Variants in PCNX2 observed in about 807,000 individuals in gnomAD.
The protein encoded by PCNX2 is pecanex 2, also known as pecanex-like protein 2.
A neutral mutation model predicts 223.8 loss-of-function variants in PCNX2; 168 were observed. The observed-to-expected ratio is 0.75, with a 90% CI of 0.66 to 0.85. The LOEUF is 0.85. PCNX2 is among the 40% of genes least tolerant of loss of function. The pLI, the probability that PCNX2 is intolerant of heterozygous loss-of-function variation, is 0.00. For missense variants in PCNX2, 2,507 were observed against 2,675.5 expected (o/e 0.94, Z 1.39); for synonymous variants, 1,006 against 1,052.6 (o/e 0.96, Z 0.86).
chr1:233,317,265 T>G, the PCNX2 span, among the ~76,000 whole-genome samples: 5 of 151,982 alleles, frequency 3.3e-5, no homozygotes, highest in Non-Finnish European at 7.4e-5. Context: ...AATACAAAAA[T>G]TAGCTGGGCG....
chr1:233,319,339 C>T, the PCNX2 span, among the ~76,000 whole-genome samples: 6 of 152,218 alleles, frequency 3.9e-5, no homozygotes, highest in Non-Finnish European at 8.8e-5. Context: ...GTCATGACTG[C>T]TCCCGCAGGT....
At position 232,986,375 on chromosome 1, in the gene PCNX2, G is replaced by A. The variant is rs770147639; in HGVS notation, c.5957C>T (p.Ser1986Phe). ...LAQRLSGSRLSLHASATSLHS... is the reference protein window; with the variant it reads ...LAQRLSGSRLFLHASATSLHS... ...CAGGGACGTGGCCGAGGCGTGCAAG[G>A]AGAGCCGGCTGCCCGAGAGCCTCTG... is the stretch of plus-strand genomic sequence containing the variant. The change falls in exon 33 of 34, where the codon TCC (serine) becomes TTC (phenylalanine). Residue 1986 changes from serine (S) to phenylalanine (F), a missense_variant. Transcript: ENST00000258229. 5.6e-6 allele frequency: 9 copies of A among 1,603,274 alleles called. No homozygotes were observed. The African/African-American group carries it at 9.4e-5, about 17-fold the overall frequency.
chr1:233,151,035 A>G (rs191212603), intron 19 of PCNX2, among the ~76,000 whole-genome samples: 1 of 131,000 alleles, frequency 7.6e-6, no homozygotes, highest in African/African-American at 2.6e-5. Flanking sequence ...GCTTCTCGTT[A>G]GAATAACCAT....
chr1:233,246,039 T>C (rs188583958), intron 8 of PCNX2, among the ~76,000 whole-genome samples: 1 of 152,194 alleles, frequency 6.6e-6, no homozygotes, highest in Non-Finnish European at 1.5e-5. Flanking sequence ...TCCTATCACC[T>C]GGGACTTATG....
intron 23 of PCNX2, among the ~76,000 whole-genome samples, chr1:233,086,473 C>A (rs1030488152): frequency 6.6e-6 from 1 of 151,214 alleles, no homozygotes; most frequent in Non-Finnish European, 1.5e-5. Context: ...CTGGCTAACA[C>A]GGTGAAACCC....
intron 15 of PCNX2, among the ~76,000 whole-genome samples, chr1:233,185,918 G>A (rs1240844627): frequency 6.6e-6 from 1 of 152,112 alleles, no homozygotes; most frequent in African/African-American, 2.4e-5. Flanking sequence ...TTTTTATGAG[G>A]TAGTAATAAA....
intron 9 of PCNX2, among the ~76,000 whole-genome samples, chr1:233,235,142 G>A (rs1658309354): frequency 6.6e-6 from 1 of 152,128 alleles, no homozygotes; most frequent in Non-Finnish European, 1.5e-5. Flanking sequence ...CTAACACACA[G>A]AGGCCCTGGA....
the PCNX2 span, among the ~76,000 whole-genome samples, chr1:233,311,925 G>A: frequency 2.6e-5 from 4 of 152,086 alleles, no homozygotes; most frequent in East Asian, 7.7e-4. Context: ...TCAGGAGTTC[G>A]AGACCAGCCT....
rs577508506 is a variant in PCNX2 at position 233,264,612 on chromosome 1, A to G, written c.154-1449T>C. ...CTCGCTCTTATTATGTCATGGGGGGAAAAGTCCACAAATAAATATAAAGCA... is the reference window on the plus strand; with the variant it reads ...CTCGCTCTTATTATGTCATGGGGGGGAAAGTCCACAAATAAATATAAAGCA... On this transcript the variant is annotated intron_variant, in intron 1 of 33. Transcript: ENST00000258229. 2.6e-5 allele frequency among the ~76,000 whole-genome samples: 4 copies of G among 152,174 alleles called. No individual in the cohort carries two copies. The South Asian group carries it at 8.3e-4, about 32-fold the overall frequency.
In PCNX2 at chr1:233,295,490, C is replaced by T. The variant is rs1012399681; in HGVS notation, c.-12G>A. 2.6e-6 allele frequency: 4 copies of T among 1,545,200 alleles called. No individual in the cohort carries two copies. The highest frequency in any genetic ancestry group is 3.5e-6 in the Non-Finnish European group (4 of 1,144,588). ...ACCTGGGACACCATGCCGGCTGCGC[C>T]CCGGGGCTGGTGAGCGCCCCGCTGC... On this transcript the variant is annotated 5_prime_UTR_variant, in exon 1 of 34. Transcript: ENST00000258229. The surrounding 1 kb of genome is among the most constrained non-coding windows in gnomAD (Gnocchi z 4.1).
chr1:233,073,686 C>T (rs1672954843), intron 23 of PCNX2, among the ~76,000 whole-genome samples: 1 of 152,098 alleles, frequency 6.6e-6, no homozygotes, highest in Non-Finnish European at 1.5e-5. Flanking sequence ...GATCATAGCT[C>T]ACTGAAGTCT....
chr1:233,006,006 C>T (rs1348090980), intron 28 of PCNX2, among the ~76,000 whole-genome samples: 1 of 152,066 alleles, frequency 6.6e-6, no homozygotes, highest in Non-Finnish European at 1.5e-5. Flanking sequence ...CGTGGGATTC[C>T]ACAGGGGCAG....
rs1272602044 is a variant in PCNX2 at position 233,139,996 on chromosome 1, A to G, written c.3518-141T>C. 1 of 1,033,168 alleles carries G rather than the reference A, an allele frequency of 9.7e-7. No individual in the cohort carries two copies. Among genetic ancestry groups the G allele is most frequent in the Non-Finnish European group, 1.4e-6 (1 of 730,448 alleles). The allele number at this position is 1,033,168 out of a possible 1,614,324, so 64.0% of individuals were successfully genotyped here. ...CTCGTGATACTAGACATGATATACC[A>G]TTTTTTTCCAGGCAGCAACTGTTAG... is the stretch of plus-strand genomic sequence containing the variant. On this transcript the variant is annotated intron_variant, in intron 19 of 33. Transcript: ENST00000258229. The surrounding 1 kb of genome is among the most constrained non-coding windows in gnomAD (Gnocchi z 4.4).
At chr1:233,197,879 ATTTTT>A (rs1680826892) in intron 15 of PCNX2, among the ~76,000 whole-genome samples, 1 of 152,204 alleles carries the variant, frequency 6.6e-6, no homozygotes, top group African/African-American at 2.4e-5. Flanking sequence ...AACATATATT[ATTTTT>A]ATTTACTCTT....
the PCNX2 span, among the ~76,000 whole-genome samples, chr1:233,315,844 CTTTG>C: frequency 1.3e-5 from 2 of 151,854 alleles, no homozygotes; most frequent in African/African-American, 4.8e-5. Flanking sequence ...CCTCTGTGTC[CTTTG>C]TTTAATATTT....
intron 17 of PCNX2, among the ~76,000 whole-genome samples, chr1:233,177,109 C>G (rs1179200441): frequency 6.6e-6 from 1 of 152,202 alleles, no homozygotes; most frequent in African/African-American, 2.4e-5. Flanking sequence ...TAAATAGTAA[C>G]TTCTCTTAGA....
chr1:233,248,321 A>C (rs1431937473), intron 8 of PCNX2, among the ~76,000 whole-genome samples: 1 of 152,012 alleles, frequency 6.6e-6, no homozygotes, highest in Non-Finnish European at 1.5e-5. Flanking sequence ...TGTGTACGTA[A>C]GCCCAGGCCA....
chr1:233,120,164 CAAA>C (rs1228898502), intron 21 of PCNX2, among the ~76,000 whole-genome samples: 1 of 42,666 alleles, frequency 2.3e-5, no homozygotes, highest in Admixed American at 2.6e-4. Flanking sequence ...GACTCCATTT[CAAA>C]AAAAAAAAAA....
At chr1:233,146,441 T>G (rs139271777) in intron 19 of PCNX2, among the ~76,000 whole-genome samples, 2 of 152,336 alleles carry the variant, frequency 1.3e-5, no homozygotes, top group African/African-American at 4.8e-5. Context: ...TTAAACAACA[T>G]TTCCTATTTT....
Sources: allele counts gnomAD v4.1 joint callset (sites outside exome capture counted in the v4.1 genomes callset), GRCh38; gene constraint gnomAD v4.1.1; non-coding constraint Gnocchi (gnomAD v3.1); transcripts MANE v1.5; gene names NCBI Gene and HGNC (gene_info 2026-07-23, HGNC 2026-07-21).